The following KIF20B variants were observed in gnomAD, a reference collection of about 807,000 sequenced individuals.
The protein encoded by KIF20B is kinesin family member 20B, also known as kinesin-like protein KIF20B.
KIF20B carries 188 observed loss-of-function variants against 232.5 expected under a neutral mutation model. The observed-to-expected ratio is 0.81, with a 90% confidence interval of 0.72 to 0.91. The LOEUF (loss-of-function observed/expected upper bound fraction) is 0.91, where lower values mean the gene tolerates loss of function less well. KIF20B is among the 40% of genes least tolerant of loss of function. The pLI, the probability that KIF20B is intolerant of heterozygous loss-of-function variation, is 0.00. For synonymous variants in KIF20B, 712 were observed against 683.0 expected (o/e 1.04, Z -0.66); for missense variants, 2,154 against 2,055.9 (o/e 1.05, Z -0.92).
chr10:89,760,271 C>G (rs1447011168), intron 27 of KIF20B, among the ~76,000 whole-genome samples: 1 of 152,106 alleles, frequency 6.6e-6, no homozygotes, highest in Non-Finnish European at 1.5e-5. Flanking sequence ...GGGCAGAACA[C>G]TTGGAAGTTG....
rs1248408671 is a variant in KIF20B at position 89,774,735 on chromosome 10, T to G, written c.*687T>G. On this transcript the variant is annotated 3_prime_UTR_variant, in exon 33 of 33. Coordinates refer to ENST00000371728, the MANE Select transcript of KIF20B (RefSeq NM_001284259.2). ...TAAAAATATACAAGTAAGTTATTAT[T>G]GATTATAGTCACTCTATTGTGCTAT... is the stretch of plus-strand genomic sequence containing the variant. The G allele has an allele frequency of 6.6e-6, 1 of 151,994 alleles. No individual in the cohort carries two copies. The highest frequency in any genetic ancestry group is 1.5e-5 in the Non-Finnish European group (1 of 67,946). 9.4% of individuals were successfully genotyped at this position (151,994 alleles called of 1,614,324 possible). A position where few individuals can be genotyped will look rare whatever the true frequency, so the allele number is the denominator to read the frequency against.
At position 89,762,655 on chromosome 10, in the gene KIF20B, T is replaced by C. The variant is rs749898991; in HGVS notation, c.4809T>C (p.Leu1603=). 3 of 1,613,126 alleles carry C rather than the reference T, an allele frequency of 1.9e-6. No homozygotes were observed. The Admixed American group carries it at 5.0e-5, about 27-fold the overall frequency. ...RNKIEDGSVV[L]DSCEVSTEND... is the part of the protein sequence containing the mutation. ...TGTTGTAGGATGGATCTGTAGTCCTTGACTCTTGTGAAGTGTCAACAGAAA... is the reference window on the plus strand; with the variant it reads ...TGTTGTAGGATGGATCTGTAGTCCTCGACTCTTGTGAAGTGTCAACAGAAA... The change falls in exon 29 of 33, where the codon CTT becomes CTC. Residue 1603 remains leucine (L), a synonymous_variant. Transcript: ENST00000371728.
chr10:89,771,868 G>A (rs1298820395), intron 31 of KIF20B, among the ~76,000 whole-genome samples: 1 of 151,866 alleles, frequency 6.6e-6, no homozygotes, highest in Non-Finnish European at 1.5e-5. Flanking sequence ...TGCTTTCTCA[G>A]GTTTAGTCTC....
At chr10:89,750,209 T>A (rs1841995143) in intron 23 of KIF20B, among the ~76,000 whole-genome samples, 1 of 152,178 alleles carries the variant, frequency 6.6e-6, no homozygotes, top group Non-Finnish European at 1.5e-5. Flanking sequence ...GGAAATTTTT[T>A]AATTGATAAT....
At position 89,737,770 on chromosome 10, in the gene KIF20B, A is replaced by G. The variant is rs753133210; in HGVS notation, c.2929A>G (p.Asn977Asp). The part of the protein sequence containing the change: ...EIETATRSIT[N>D]NVSQIKLMHT... The stretch of plus-strand genomic sequence containing the variant: ...AGAAACTGCTACAAGAAGCATTACA[A>G]ATAATGTTTCACAAATAAAATTAAT... The change falls in exon 20 of 33, where the codon AAT (asparagine) becomes GAT (aspartate). Residue 977 changes from asparagine (N) to aspartate (D), a missense_variant. Asn to Asp is a conservative substitution (Grantham distance 23). Transcript: ENST00000371728. 2 of 1,610,578 alleles carry G rather than the reference A, an allele frequency of 1.2e-6. No individual in the cohort carries two copies. The highest frequency in any genetic ancestry group is 2.2e-5 in the South Asian group (2 of 90,850).
intron 17 of KIF20B, among the ~76,000 whole-genome samples, chr10:89,728,151 G>T (rs1843230345): frequency 6.6e-6 from 1 of 151,906 alleles, no homozygotes; most frequent in Admixed American, 6.6e-5. Context: ...CAAGATCTTG[G>T]TATCTAATAT....
chr10:89,717,516 AT>A (rs761525225), intron 10 of KIF20B, 21 bp downstream of exon 10: 1 of 1,585,158 alleles, frequency 6.3e-7, no homozygotes, highest in Admixed American at 1.7e-5. Flanking sequence ...TATTCTTTAA[AT>A]TTAATTATTT....
chr10:89,738,139 A>G lies in KIF20B; in HGVS notation c.3298A>G (p.Asn1100Asp), dbSNP rs1841703533. The G allele has an allele frequency of 1.3e-6, 2 of 1,521,376 alleles. No homozygotes were observed. Among genetic ancestry groups the G allele is most frequent in the Non-Finnish European group, 1.8e-6 (2 of 1,120,756 alleles). The allele number at this position is 1,521,376 out of a possible 1,614,324, so 94.2% of individuals were successfully genotyped here. ...AEVKGYKDENNRLKEKEHKNQ... is the reference protein window; with the variant it reads ...AEVKGYKDENDRLKEKEHKNQ... ...AGTAAAAGGCTATAAGGATGAAAAC[A>G]ATAGACTAAAGGAGAAGGAGCATAA... Residue 1100 changes from asparagine (N) to aspartate (D), a missense_variant, in exon 20 of 33, where the codon AAT becomes GAT. Asn to Asp is a conservative substitution (Grantham distance 23). Coordinates refer to ENST00000371728, the MANE Select transcript of KIF20B (RefSeq NM_001284259.2).
chr10:89,752,004 A>G (rs1213386546), intron 24 of KIF20B, among the ~76,000 whole-genome samples: 1 of 152,004 alleles, frequency 6.6e-6, no homozygotes, highest in African/African-American at 2.4e-5. Flanking sequence ...TACTCAGCCT[A>G]ATTTTCCTCA....
intron 18 of KIF20B, among the ~76,000 whole-genome samples, chr10:89,731,529 C>G (rs1376447963): frequency 1.3e-5 from 2 of 152,192 alleles, no homozygotes; most frequent in African/African-American, 4.8e-5. Context: ...AGCGCAAACT[C>G]TTTCCAATAA....
In KIF20B at chr10:89,726,385, ATAT is replaced by A; in HGVS notation, c.2095_2097del (p.Tyr699del). On this transcript the variant is annotated inframe_deletion, in exon 16 of 33. Transcript: ENST00000371728. ...AGAAACAGGCTGAAATTGCTCACTT[ATAT>A]ATTGCATCTCTTCCTGACCCCCAGG... The A allele has an allele frequency of 6.4e-7, 1 of 1,573,226 alleles. No homozygotes were observed.
At chr10:89,772,268 T>G (rs1842477778) in intron 31 of KIF20B, among the ~76,000 whole-genome samples, 1 of 152,072 alleles carries the variant, frequency 6.6e-6, no homozygotes, top group Non-Finnish European at 1.5e-5. Flanking sequence ...CAAAGTATTT[T>G]CATGCAGCAT....
chr10:89,710,462 C>G (rs1842814152), intron 5 of KIF20B, among the ~76,000 whole-genome samples: 1 of 152,124 alleles, frequency 6.6e-6, no homozygotes, highest in African/African-American at 2.4e-5. Context: ...CTCCTGACCT[C>G]AGGTGATATG....
Position 89,768,927 on chromosome 10 carries a change from A to G in KIF20B, c.5242+39A>G, listed in dbSNP as rs758308174. The G allele has an allele frequency of 3.4e-5, 52 of 1,513,710 alleles. 1 individual carries two copies. In the South Asian group the frequency reaches 6.0e-4, roughly 17 times the overall value. 93.8% of individuals were successfully genotyped at this position (1,513,710 alleles called of 1,614,324 possible). ...TAATTAAATGACCTTTTTTTGTTAG[A>G]TGTTGGGTATATTTTAATACCTAAT... On this transcript the variant is annotated intron_variant, in intron 31 of 32. Transcript: ENST00000371728.
chr10:89,725,227 A>G (rs1408782506), intron 15 of KIF20B, 69 bp downstream of exon 15: 14 of 1,324,242 alleles, frequency 1.1e-5, no homozygotes, highest in Non-Finnish European at 1.4e-5. Flanking sequence ...TACCACATCA[A>G]TGATGAGAAA....
At chr10:89,752,357 G>A (rs892449605) in intron 24 of KIF20B, among the ~76,000 whole-genome samples, 2 of 151,954 alleles carry the variant, frequency 1.3e-5, no homozygotes, top group Non-Finnish European at 1.5e-5. Context: ...ACTATTCATT[G>A]GATTCCTGAG....
At chr10:89,731,678 C>T (rs1416428839) in intron 18 of KIF20B, among the ~76,000 whole-genome samples, 1 of 152,034 alleles carries the variant, frequency 6.6e-6, no homozygotes, top group Non-Finnish European at 1.5e-5. Flanking sequence ...GGAAAAATGA[C>T]GGGATCATTC....
rs1237184251 is a variant in KIF20B at position 89,718,865 on chromosome 10, C to T, written c.1427C>T (p.Ala476Val). Residue 476 changes from alanine (A) to valine (V), a missense_variant, in exon 12 of 33, where the codon GCA becomes GTA. Coordinates refer to ENST00000371728, the MANE Select transcript of KIF20B (RefSeq NM_001284259.2). ...AATGTATTGAAGTTCTCCGCCATTGCACAAAAAGTAAATATTTATTTTATT... is the reference window on the plus strand; with the variant it reads ...AATGTATTGAAGTTCTCCGCCATTGTACAAAAAGTAAATATTTATTTTATT... ...TLNVLKFSAI[A>V]QKVCVPDTLN... The T allele has an allele frequency of 1.3e-6, 2 of 1,527,988 alleles. No homozygotes were observed. Among genetic ancestry groups the T allele is most frequent in the Admixed American group, 2.2e-5 (1 of 44,780 alleles). 94.7% of individuals were successfully genotyped at this position (1,527,988 alleles called of 1,614,324 possible).
chr10:89,733,169 A>G (rs549348043), intron 19 of KIF20B, 113 bp downstream of exon 19: 3 of 1,067,016 alleles, frequency 2.8e-6, no homozygotes, highest in Non-Finnish European at 4.2e-6. Context: ...TCTTGAGAAA[A>G]TCTAAACGTC....
Sources: gnomAD v4.1 joint callset for allele counts (sites outside exome capture counted in the v4.1 genomes callset) on GRCh38, gnomAD v4.1.1 for gene constraint, MANE v1.5 for transcripts, NCBI Gene and HGNC (gene_info 2026-07-23, HGNC 2026-07-21) for gene names.